Variants in ASTN2 observed in about 807,000 individuals in gnomAD.
ASTN2 encodes astrotactin-2.
A neutral mutation model predicts 139.8 loss-of-function variants in ASTN2; 54 were observed. The observed-to-expected ratio is 0.39, with a 90% CI of 0.31 to 0.48. The LOEUF is 0.48. Among genes scored for constraint, ASTN2 ranks in the 20% least tolerant of loss-of-function variants. The pLI is 0.95. For synonymous variants in ASTN2, 756 were observed against 719.5 expected (o/e 1.05, Z -0.81); for missense variants, 1,565 against 1,725.1 (o/e 0.91, Z 1.64).
At chr9:116,798,611 G>A (rs954749739) in intron 13 of ASTN2, among the ~76,000 whole-genome samples, 3 of 152,188 alleles carry the variant, frequency 2.0e-5, no homozygotes, top group South Asian at 4.1e-4. Context: ...AAGACAGCAT[G>A]TCTTATCGTA....
chr9:117,409,407 G>A (rs570023439), intron 1 of ASTN2, among the ~76,000 whole-genome samples: 1 of 152,296 alleles, frequency 6.6e-6, no homozygotes, highest in South Asian at 2.1e-4. Flanking sequence ...ACAACGGTCT[G>A]CAAGGAAGTG....
chr9:117,245,525 CTAA>C (rs1298229773), intron 2 of ASTN2, among the ~76,000 whole-genome samples: 2 of 152,152 alleles, frequency 1.3e-5, no homozygotes, highest in Non-Finnish European at 2.9e-5. Flanking sequence ...GACTCTTCCT[CTAA>C]TGACATCCTT....
At chr9:116,449,761 C>A (rs1180325986) in intron 20 of ASTN2, among the ~76,000 whole-genome samples, 1 of 152,018 alleles carries the variant, frequency 6.6e-6, no homozygotes, top group Non-Finnish European at 1.5e-5. Flanking sequence ...TGTGAGCCTC[C>A]GTATAAGAAA....
At chr9:117,364,587 C>A (rs889493263) in intron 1 of ASTN2, among the ~76,000 whole-genome samples, 1 of 152,034 alleles carries the variant, frequency 6.6e-6, no homozygotes, top group East Asian at 1.9e-4. Context: ...AGCTGAAGAG[C>A]GGGGTTTAAA....
intron 7 of ASTN2, 45 bp from the exon 8 acceptor site, chr9:116,976,830 C>G (rs767128879): frequency 7.9e-5 from 123 of 1,559,016 alleles, no homozygotes; most frequent in Non-Finnish European, 1.1e-4. Flanking sequence ...AGAGTCTCCC[C>G]AAATAGGCTT....
intron 3 of ASTN2, among the ~76,000 whole-genome samples, chr9:117,165,325 C>G (rs1452367285): frequency 6.6e-6 from 1 of 152,092 alleles, no homozygotes; most frequent in Non-Finnish European, 1.5e-5. Context: ...ATCTGCCTTA[C>G]AGAAGAGCAA....
intron 1 of ASTN2, among the ~76,000 whole-genome samples, chr9:117,310,563 A>G (rs1001207590): frequency 1.2e-4 from 18 of 152,160 alleles, no homozygotes; most frequent in African/African-American, 4.3e-4. Context: ...TTAGCCAAGG[A>G]CAGATGGGAG....
chr9:116,797,575 G>A (rs1458039449), intron 13 of ASTN2, among the ~76,000 whole-genome samples: 2 of 152,310 alleles, frequency 1.3e-5, no homozygotes, highest in East Asian at 3.9e-4. Flanking sequence ...TGAGGATTTT[G>A]CTAAGAGCTT....
At chr9:117,389,354 A>G (rs1830485696) in intron 1 of ASTN2, among the ~76,000 whole-genome samples, 1 of 152,216 alleles carries the variant, frequency 6.6e-6, no homozygotes, top group South Asian at 2.1e-4. Context: ...CCAAGCGATC[A>G]CTAACTTGAT....
chr9:117,212,198 T>C (rs567621120), intron 3 of ASTN2, among the ~76,000 whole-genome samples: 3 of 152,210 alleles, frequency 2.0e-5, no homozygotes, highest in African/African-American at 7.2e-5. Flanking sequence ...CTGAGAAAAC[T>C]GAATATGCAT....
At chr9:116,975,446 T>C (rs1361473728) in intron 9 of ASTN2, 101 bp from the exon 10 acceptor site, 6 of 1,153,364 alleles carry the variant, frequency 5.2e-6, no homozygotes, top group African/African-American at 1.6e-5. Context: ...ATTTCCTACT[T>C]CTCCATCCAT....
intron 19 of ASTN2, among the ~76,000 whole-genome samples, chr9:116,511,597 C>A (rs1850384219): frequency 1.3e-5 from 2 of 152,090 alleles, no homozygotes; most frequent in Admixed American, 1.3e-4. Context: ...CTGCCTTGTA[C>A]CTCTGGTAGA....
rs571647711 is a variant in ASTN2, at chr9:116,725,644, C to T, written c.2806+127G>A. ...AAGCTCAGAGAGAGGCAGGGACTTG[C>T]CCATGGTCACACAGCTTAGACGTGG... On this transcript the variant is annotated intron_variant, in intron 16 of 22. Coordinates refer to ENST00000313400, the MANE Select transcript of ASTN2 (RefSeq NM_001365068.1). 10 of 914,184 alleles carry T rather than the reference C, an allele frequency of 1.1e-5. No homozygotes were observed. In the South Asian group the frequency reaches 1.5e-4, roughly 14 times the overall value. 56.6% of individuals were successfully genotyped at this position (914,184 alleles called of 1,614,324 possible). A position where few individuals can be genotyped will look rare whatever the true frequency, so the allele number is the denominator to read the frequency against.
chr9:117,050,666 A>G (rs2132667207), intron 5 of ASTN2, among the ~76,000 whole-genome samples: 1 of 152,256 alleles, frequency 6.6e-6, no homozygotes, highest in Non-Finnish European at 1.5e-5. Flanking sequence ...ATTGATACTC[A>G]AAGTTCTTTA....
intron 2 of ASTN2, among the ~76,000 whole-genome samples, chr9:117,243,030 T>G (rs898134960): frequency 6.6e-6 from 1 of 152,192 alleles, no homozygotes; most frequent in African/African-American, 2.4e-5. Context: ...TTATTAAGAG[T>G]CTTCCATTTT....
At chr9:116,578,787 C>A (rs1051052897) in intron 19 of ASTN2, among the ~76,000 whole-genome samples, 3 of 151,694 alleles carry the variant, frequency 2.0e-5, no homozygotes, top group Non-Finnish European at 2.9e-5. Context: ...AAAATACCAA[C>A]TGAGGAAACC....
chr9:116,894,712 A>G (rs1279503198), intron 10 of ASTN2, among the ~76,000 whole-genome samples: 1 of 152,106 alleles, frequency 6.6e-6, no homozygotes, highest in Non-Finnish European at 1.5e-5. Flanking sequence ...CTAAAGTGCT[A>G]TGATTACAGA....
At chr9:116,619,453 T>C (rs190089114) in intron 18 of ASTN2, among the ~76,000 whole-genome samples, 1 of 152,162 alleles carries the variant, frequency 6.6e-6, no homozygotes, top group East Asian at 1.9e-4. Context: ...TCCCTCTTCC[T>C]TCCAACTAAA....
chr9:116,894,855 C>A (rs1399755545), intron 10 of ASTN2, among the ~76,000 whole-genome samples: 2 of 152,166 alleles, frequency 1.3e-5, no homozygotes, highest in Non-Finnish European at 2.9e-5. Flanking sequence ...CTTCCTGACA[C>A]CCAAACCTCT....
Sources: allele counts gnomAD v4.1 joint callset (sites outside exome capture counted in the v4.1 genomes callset), GRCh38; gene constraint gnomAD v4.1.1; transcripts MANE v1.5; gene names NCBI Gene and HGNC (gene_info 2026-07-23, HGNC 2026-07-21).